The following TRIM55 variants were observed in gnomAD, a reference collection of about 807,000 sequenced individuals.
The protein encoded by TRIM55 is tripartite motif-containing protein 55.
In TRIM55, 50 loss-of-function variants were observed where a neutral mutation model predicts 60.9. The ratio of observed to expected loss-of-function variants is 0.82; its 90% confidence interval spans 0.65 to 1.04. The LOEUF is 1.04. Ranked by LOEUF, TRIM55 falls within the 50% of genes least tolerant of loss-of-function variation. The pLI, the probability that TRIM55 is intolerant of heterozygous loss-of-function variation, is 0.00. For synonymous variants in TRIM55, 237 were observed against 238.1 expected (o/e 1.00, Z 0.04); for missense variants, 681 against 666.9 (o/e 1.02, Z -0.23).
In TRIM55 at chr8:66,149,598, C is replaced by T. The variant is rs180712128; in HGVS notation, c.604-47C>T. The T allele has an allele frequency of 5.0e-3, 7,216 of 1,440,086 alleles. 21 individuals are homozygous for T. The highest frequency in any genetic ancestry group is 6.3e-3 in the Non-Finnish European group (6,475 of 1,029,450). 89.2% of individuals were successfully genotyped at this position (1,440,086 alleles called of 1,614,324 possible). On this transcript the variant is annotated intron_variant, in intron 4 of 9. Transcript: ENST00000315962. ...GGATAACTAGGTGATTTCTCCAAAT[C>T]GACTTTGTTTCAAATACTTTCTAAC... is the stretch of plus-strand genomic sequence containing the variant.
intron 2 of TRIM55, 127 bp downstream of exon 2, chr8:66,128,603 T>C (rs983245383): frequency 3.0e-5 from 29 of 982,764 alleles, no homozygotes; most frequent in African/African-American, 4.9e-5. Flanking sequence ...AAAATGGTTT[T>C]CCAAGTCAGT....
At chr8:66,153,539 G>C (rs72650571) in intron 8 of TRIM55, among the ~76,000 whole-genome samples, 2,039 of 152,292 alleles carry the variant, frequency 0.013, 26 homozygotes, top group Non-Finnish European at 0.024. Context: ...GTCTCCACAG[G>C]AAACCAGGCT....
chr8:66,170,782 C>A (rs1811581196), intron 9 of TRIM55, among the ~76,000 whole-genome samples: 2 of 152,306 alleles, frequency 1.3e-5, no homozygotes, highest in South Asian at 4.1e-4. Context: ...TAAAATCCTG[C>A]AATTCCACTT....
chr8:66,120,417 G>T, the TRIM55 span, among the ~76,000 whole-genome samples: 1 of 152,176 alleles, frequency 6.6e-6, no homozygotes, highest in Non-Finnish European at 1.5e-5. Flanking sequence ...GACGGGGAAG[G>T]GGGGTTGGGG....
upstream of TRIM55, among the ~76,000 whole-genome samples, chr8:66,123,753 G>A (rs1009860795): frequency 3.3e-5 from 5 of 152,186 alleles, no homozygotes; most frequent in Non-Finnish European, 7.3e-5. Context: ...AGCTACTCAG[G>A]AGGCTGAGGT....
intron 9 of TRIM55, among the ~76,000 whole-genome samples, chr8:66,164,112 G>T (rs1586249489): frequency 6.6e-6 from 1 of 151,922 alleles, no homozygotes; most frequent in Non-Finnish European, 1.5e-5. Flanking sequence ...ATCTTCCAAG[G>T]TAACTTTAAA....
At chr8:66,169,414 T>C (rs1211275568) in intron 9 of TRIM55, among the ~76,000 whole-genome samples, 1 of 152,188 alleles carries the variant, frequency 6.6e-6, no homozygotes, top group Non-Finnish European at 1.5e-5. Flanking sequence ...CCATGAGACA[T>C]ACTTTGGCTT....
chr8:66,114,910 G>A, the TRIM55 span: 1 of 286,348 alleles, frequency 3.5e-6, no homozygotes, highest in Non-Finnish European at 7.0e-6. Flanking sequence ...TTGGATAAAA[G>A]TTCTATCTAG....
At chr8:66,172,970 T>C (rs1341203908) in intron 9 of TRIM55, among the ~76,000 whole-genome samples, 1 of 152,186 alleles carries the variant, frequency 6.6e-6, no homozygotes, top group African/African-American at 2.4e-5. Flanking sequence ...AAGGGTTTGT[T>C]TTTTGTTTGT....
chr8:66,170,320 G>A (rs1224789285), intron 9 of TRIM55, among the ~76,000 whole-genome samples: 1 of 152,158 alleles, frequency 6.6e-6, no homozygotes, highest in Non-Finnish European at 1.5e-5. Context: ...CATCATGTAA[G>A]TGGAATCATA....
In TRIM55 at chr8:66,132,203, C is replaced by T. The variant is rs1809200591; in HGVS notation, c.342-2787C>T. Among the ~76,000 whole-genome samples, 4 of 152,284 alleles carry T rather than the reference C, an allele frequency of 2.6e-5. 1 individual carries two copies. In the South Asian group the frequency reaches 8.3e-4, roughly 32 times the overall value. On this transcript the variant is annotated intron_variant, in intron 2 of 9. Coordinates refer to ENST00000315962, the MANE Select transcript of TRIM55 (RefSeq NM_184085.2). ...CAGTGGCTCACGCCTATAATCCCAG[C>T]ACTTTGGGAGGCTGAGGTGGACAGA...
chr8:66,157,340 A>C (rs911056223), intron 9 of TRIM55, among the ~76,000 whole-genome samples: 4 of 152,184 alleles, frequency 2.6e-5, no homozygotes, highest in African/African-American at 9.7e-5. Flanking sequence ...ATGATGGAGT[A>C]CTACTCTTTG....
intron 8 of TRIM55, 37 bp downstream of exon 8, chr8:66,152,664 G>T: frequency 1.3e-6 from 2 of 1,592,904 alleles, no homozygotes; most frequent in East Asian, 2.2e-5. Flanking sequence ...AGGGCACATG[G>T]GCGTGTCTCC....
intron 4 of TRIM55, among the ~76,000 whole-genome samples, chr8:66,140,707 G>A (rs1809757659): frequency 6.6e-6 from 1 of 152,238 alleles, no homozygotes; most frequent in Non-Finnish European, 1.5e-5. Flanking sequence ...GGCTTGCAGT[G>A]AAATGGTCCT....
intron 7 of TRIM55, among the ~76,000 whole-genome samples, chr8:66,151,079 T>C (rs1810393477): frequency 6.6e-6 from 1 of 152,160 alleles, no homozygotes; most frequent in South Asian, 2.1e-4. Flanking sequence ...GCCAAAATAA[T>C]GTAAAGTGTC....
the TRIM55 span, among the ~76,000 whole-genome samples, chr8:66,119,687 C>T: frequency 6.6e-6 from 1 of 152,196 alleles, no homozygotes; most frequent in Non-Finnish European, 1.5e-5. Flanking sequence ...TACAAAATCA[C>T]CAAAAGACGG....
chr8:66,152,375 A>C lies in TRIM55; in HGVS notation c.986-2A>C. The C allele has an allele frequency of 6.3e-7, 1 of 1,577,762 alleles. No homozygotes were observed. Among genetic ancestry groups the C allele is most frequent in the Non-Finnish European group, 8.6e-7 (1 of 1,162,140 alleles). On this transcript the variant is annotated splice_acceptor_variant, in intron 7 of 9. Coordinates refer to ENST00000315962, the MANE Select transcript of TRIM55 (RefSeq NM_184085.2). LOFTEE classifies it high-confidence loss of function. ...AATTTACAAGATACCTTACCTTACC[A>C]GAAGATGAAGATGAAGAAGAAGAAG...
At chr8:66,114,089 C>CA in the TRIM55 span, among the ~76,000 whole-genome samples, 1 of 135,602 alleles carries the variant, frequency 7.4e-6, no homozygotes, top group East Asian at 2.6e-4. Context: ...GACACCCCCC[C>CA]CCCCATTATT....
At chr8:66,128,599 G>T in intron 2 of TRIM55, 123 bp downstream of exon 2, 2 of 1,088,782 alleles carry the variant, frequency 1.8e-6, no homozygotes, top group Non-Finnish European at 2.6e-6. Context: ...TGGAAAAATG[G>T]TTTTCCAAGT....
Sources: allele counts gnomAD v4.1 joint callset (sites outside exome capture counted in the v4.1 genomes callset), GRCh38; gene constraint gnomAD v4.1.1; transcripts MANE v1.5; gene names NCBI Gene and HGNC (gene_info 2026-07-23, HGNC 2026-07-21).